Variants in RLF observed in about 807,000 individuals in gnomAD.
RLF encodes the protein RLF zinc finger, also known as zinc finger protein Rlf.
In RLF, 7 loss-of-function variants were observed where a neutral mutation model predicts 162.9. The ratio of observed to expected loss-of-function variants is 0.04; its 90% CI spans 0.02 to 0.08. RLF has a LOEUF of 0.08. Ranked by LOEUF, RLF falls within the 10% of genes least tolerant of loss-of-function variation. The probability of loss-of-function intolerance (pLI) is 1.00; values close to 1 mark genes in which losing one functional copy is unlikely to be tolerated. For missense variants in RLF, 1,664 were observed against 2,244.7 expected, an observed-to-expected ratio of 0.74 and a Z score of 5.23; for synonymous variants, 782 against 791.5, an observed-to-expected ratio of 0.99 and a Z score of 0.20.
chr1:40,194,350 A>G (rs555441395), intron 3 of RLF, among the ~76,000 whole-genome samples: 7 of 152,302 alleles, frequency 4.6e-5, no homozygotes, highest in South Asian at 4.2e-4. Flanking sequence ...ATGGCTTTCA[A>G]ATAATTAAAT....
intron 3 of RLF, among the ~76,000 whole-genome samples, chr1:40,193,127 CAAAAA>C (rs76035508): frequency 3.1e-5 from 2 of 65,152 alleles, no homozygotes; most frequent in African/African-American, 9.6e-5. Flanking sequence ...GTGGTCTTAG[CAAAAA>C]AAAAAAAAAA....
chr1:40,205,336 T>A (rs1304419908), intron 5 of RLF, among the ~76,000 whole-genome samples: 1 of 152,062 alleles, frequency 6.6e-6, no homozygotes, highest in African/African-American at 2.4e-5. Flanking sequence ...AGAACGAGAC[T>A]CTGTCTTCAA....
chr1:40,165,347 C>T (rs1443528205), intron 1 of RLF, among the ~76,000 whole-genome samples: 1 of 152,194 alleles, frequency 6.6e-6, no homozygotes, highest in Non-Finnish European at 1.5e-5. Flanking sequence ...AGTTTCCAAG[C>T]ACATAATTTT....
rs1254141691 is a variant in RLF at position 40,161,686 on chromosome 1, A to G, written c.237+50A>G. The G allele has an allele frequency of 1.3e-6, 2 of 1,596,420 alleles. No individual in the cohort carries two copies. Among genetic ancestry groups the G allele is most frequent in the East Asian group, 4.6e-5 (2 of 43,656 alleles). On this transcript the variant is annotated intron_variant, in intron 1 of 7. Coordinates refer to ENST00000372771, the MANE Select transcript of RLF (RefSeq NM_012421.4). This position sits in a 1 kb window ranked among gnomAD's most constrained non-coding sequence, Gnocchi z 4.4. Reference sequence around the variant, plus strand: ...GGGCGGCGGGGCGGGGAAGTCAGGGAAGGAGGCCCTGGATCCTCTGTAAGC... The same window carrying G: ...GGGCGGCGGGGCGGGGAAGTCAGGGGAGGAGGCCCTGGATCCTCTGTAAGC...
At chr1:40,170,220 T>C (rs910126343) in intron 1 of RLF, among the ~76,000 whole-genome samples, 5 of 152,126 alleles carry the variant, frequency 3.3e-5, no homozygotes, top group African/African-American at 1.2e-4. Flanking sequence ...AATTATTTAG[T>C]TTTAGCCTAA....
In RLF at chr1:40,240,910, A is replaced by G. The variant is rs952991947; in HGVS notation, c.*463A>G. The G allele has an allele frequency of 6.5e-6, 1 of 153,182 alleles. No homozygotes were observed. The highest frequency in any genetic ancestry group is 1.5e-5 in the Non-Finnish European group (1 of 68,560). 9.5% of individuals were successfully genotyped at this position (153,182 alleles called of 1,614,324 possible). A position where few individuals can be genotyped will look rare whatever the true frequency, so the allele number is the denominator to read the frequency against. On this transcript the variant is annotated 3_prime_UTR_variant, in exon 8 of 8. Coordinates refer to ENST00000372771, the MANE Select transcript of RLF (RefSeq NM_012421.4). Reference sequence around the variant, plus strand: ...TTGAGTTGAGTTTCAATAAATTACAATTTTTCACCCATTCGTTGTTTACTC... The same window carrying G: ...TTGAGTTGAGTTTCAATAAATTACAGTTTTTCACCCATTCGTTGTTTACTC...
intron 1 of RLF, among the ~76,000 whole-genome samples, chr1:40,165,215 C>T (rs1483830886): frequency 6.6e-6 from 1 of 152,196 alleles, no homozygotes; most frequent in Non-Finnish European, 1.5e-5. Context: ...TCAGCCCTCC[C>T]CTTGTCAGTC....
intron 4 of RLF, among the ~76,000 whole-genome samples, 200 bp from the exon 5 acceptor site, chr1:40,202,212 C>T (rs1166310603): frequency 6.6e-6 from 1 of 152,114 alleles, no homozygotes; most frequent in African/African-American, 2.4e-5. Context: ...TGCATTTATG[C>T]TTATAGTTCA....
intron 7 of RLF, among the ~76,000 whole-genome samples, chr1:40,233,631 C>T (rs1255296996): frequency 6.6e-6 from 1 of 151,924 alleles, no homozygotes; most frequent in Non-Finnish European, 1.5e-5. Flanking sequence ...GAGGGAGAAA[C>T]TTCTATATTC....
rs150236303 is a variant in RLF at position 40,239,567 on chromosome 1, G to A, written c.4865G>A (p.Arg1622His). ...GAAAATAGAAGCTGTGAATCAGAGC[G>A]CACAGAACACAGCCATTCCCCGGGT... ...KEENRSCESE[R>H]TEHSHSPGDS... The change falls in exon 8 of 8, where the codon CGC (arginine) becomes CAC (histidine). Residue 1622 changes from arginine (R) to histidine (H), a missense_variant. Transcript: ENST00000372771. The A allele has an allele frequency of 2.7e-5, 43 of 1,614,068 alleles. No individual in the cohort carries two copies. The African/African-American group carries it at 3.3e-4, about 13-fold the overall frequency.
chr1:40,166,818 C>T (rs1014004282), intron 1 of RLF, among the ~76,000 whole-genome samples: 7 of 127,872 alleles, frequency 5.5e-5, no homozygotes, highest in Admixed American at 2.1e-4. Context: ...AACACTTGGA[C>T]GCAGGGTGGG....
At chr1:40,208,364 A>G (rs1214140881) in intron 5 of RLF, among the ~76,000 whole-genome samples, 1 of 152,214 alleles carries the variant, frequency 6.6e-6, no homozygotes, top group Non-Finnish European at 1.5e-5. Context: ...TTCTGGTGAT[A>G]AAGAAATCAA....
chr1:40,234,744 A>T (rs547751188), intron 7 of RLF, among the ~76,000 whole-genome samples: 1 of 152,224 alleles, frequency 6.6e-6, no homozygotes, highest in Non-Finnish European at 1.5e-5. Flanking sequence ...GTTTTAAGCC[A>T]CTCTGACATA....
Position 40,236,597 on chromosome 1 carries a change from G to T in RLF, c.1895G>T (p.Ser632Ile). 6.2e-7 allele frequency: 1 copy of T among 1,614,118 alleles called. No individual in the cohort carries two copies. The highest frequency in any genetic ancestry group is 8.5e-7 in the Non-Finnish European group (1 of 1,180,024). ...TCTCAAAAGGGTATTTGTCCTAAGA[G>T]CCCCTCTGCAATCCCAGAGCAAAAC... ...KGSQKGICPK[S>I]PSAIPEQNHS... Residue 632 changes from serine to isoleucine, a missense_variant, in exon 8 of 8, where the codon AGC (serine) becomes ATC (isoleucine). This residue lies in a region of RLF where 50 missense variants were observed against 46.7 expected (regional missense o/e 1.07). Coordinates refer to ENST00000372771, the MANE Select transcript of RLF (RefSeq NM_012421.4). This position sits in a 1 kb window ranked among gnomAD's most constrained non-coding sequence, Gnocchi z 7.7.
At chr1:40,224,304 A>G (rs1570557533) in intron 6 of RLF, among the ~76,000 whole-genome samples, 1 of 143,188 alleles carries the variant, frequency 7.0e-6, no homozygotes, top group East Asian at 2.0e-4. Flanking sequence ...GAGCAATTGC[A>G]TCTTTTTTTT....
At chr1:40,209,521 GCA>G (rs1456055224) in intron 5 of RLF, among the ~76,000 whole-genome samples, 9 of 152,160 alleles carry the variant, frequency 5.9e-5, no homozygotes, top group Non-Finnish European at 1.2e-4. Flanking sequence ...ACCTGAATTT[GCA>G]CAGAGAAACA....
chr1:40,208,230 A>G (rs961436206), intron 5 of RLF, among the ~76,000 whole-genome samples: 7 of 152,210 alleles, frequency 4.6e-5, no homozygotes, highest in African/African-American at 1.4e-4. Flanking sequence ...AGGAGCACAG[A>G]TACGGGATGC....
chr1:40,206,332 A>G (rs1487824280), intron 5 of RLF, among the ~76,000 whole-genome samples: 1 of 152,186 alleles, frequency 6.6e-6, no homozygotes, highest in East Asian at 1.9e-4. Context: ...CAAGGTTACA[A>G]AGCTAAAGTG....
intron 6 of RLF, among the ~76,000 whole-genome samples, chr1:40,224,859 C>T (rs904615410): frequency 6.6e-6 from 1 of 151,300 alleles, no homozygotes; most frequent in Admixed American, 6.6e-5. Flanking sequence ...TTTTGGCAGA[C>T]ACCTGTAATC....
Sources: allele counts gnomAD v4.1 joint callset (sites outside exome capture counted in the v4.1 genomes callset), GRCh38; gene constraint gnomAD v4.1.1; regional missense constraint gnomAD v4.1.1; non-coding constraint Gnocchi (gnomAD v3.1); transcripts MANE v1.5; gene names NCBI Gene and HGNC (gene_info 2026-07-23, HGNC 2026-07-21).